The following PAG1 variants were observed in gnomAD, a reference collection of about 807,000 sequenced individuals.
The protein encoded by PAG1 is phosphoprotein associated with glycosphingolipid-enriched microdomains 1.
A neutral mutation model predicts 31.7 loss-of-function variants in PAG1; 23 were observed. The ratio of observed to expected loss-of-function variants is 0.73; its 90% CI spans 0.52 to 1.03. PAG1 has a LOEUF of 1.03. Among genes scored for constraint, PAG1 ranks in the 50% least tolerant of loss-of-function variants. PAG1 has a pLI of 0.00. For missense variants in PAG1, 473 were observed against 540.7 expected (o/e 0.87, Z 1.24); for synonymous variants, 214 against 210.3 (o/e 1.02, Z -0.15).
intron 3 of PAG1, among the ~76,000 whole-genome samples, chr8:81,027,923 A>G (rs1029599102): frequency 2.6e-5 from 4 of 151,790 alleles, no homozygotes; most frequent in South Asian, 4.2e-4. Context: ...AAAAAAAAAA[A>G]AAAAGAATAT....
chr8:81,045,083 A>G lies in PAG1; in HGVS notation c.-174-14994T>C, dbSNP rs911264003. ...CAACATCTCCTAGCAAAGTCACCAC[A>G]CACAGAATGTCCAAAGTGGGATTTC... is the stretch of plus-strand genomic sequence containing the variant. On this transcript the variant is annotated intron_variant, in intron 2 of 8. Coordinates refer to ENST00000220597, the MANE Select transcript of PAG1 (RefSeq NM_018440.4). Among the ~76,000 whole-genome samples, 5 of 152,324 alleles carry G rather than the reference A, an allele frequency of 3.3e-5. No individual in the cohort carries two copies. In the East Asian group the frequency reaches 9.6e-4, roughly 29 times the overall value.
intron 2 of PAG1, among the ~76,000 whole-genome samples, chr8:81,043,909 T>G (rs1808597413): frequency 6.6e-6 from 1 of 152,250 alleles, no homozygotes; most frequent in Admixed American, 6.5e-5. Context: ...CCTTCTCCAC[T>G]GATGGTAGTT....
intron 2 of PAG1, among the ~76,000 whole-genome samples, chr8:81,050,374 C>G (rs1469009881): frequency 6.6e-6 from 1 of 151,980 alleles, no homozygotes; most frequent in African/African-American, 2.4e-5. Context: ...TAAACATTCA[C>G]AGGAAGAGTG....
chr8:81,057,508 T>A (rs1051879420), intron 2 of PAG1, among the ~76,000 whole-genome samples: 1 of 142,438 alleles, frequency 7.0e-6, no homozygotes, highest in Non-Finnish European at 1.5e-5. Flanking sequence ...TAGGTGGGAA[T>A]TGAACAATGA....
intron 1 of PAG1, among the ~76,000 whole-genome samples, chr8:81,071,748 C>T (rs4388412): frequency 0.38 from 57,417 of 152,040 alleles, 12,129 homozygotes; most frequent in East Asian, 0.67. Context: ...AAGTAAGTAG[C>T]ACAATACAGA....
rs957518060 is a variant in PAG1, at chr8:81,090,094, A to C, written c.-233-19924T>G. 2.0e-5 allele frequency among the ~76,000 whole-genome samples: 3 copies of C among 152,204 alleles called. No homozygotes were observed. The South Asian group carries it at 6.2e-4, about 32-fold the overall frequency. On this transcript the variant is annotated intron_variant, in intron 1 of 8. Coordinates refer to ENST00000220597, the MANE Select transcript of PAG1 (RefSeq NM_018440.4). ...AATGGTATTTTTATATAATTAAAACAATCTCAAACAATTACCTAATTTTCC... is the reference window on the plus strand; with the variant it reads ...AATGGTATTTTTATATAATTAAAACCATCTCAAACAATTACCTAATTTTCC...
chr8:81,085,455 G>A (rs894487500), intron 1 of PAG1, among the ~76,000 whole-genome samples: 1 of 152,172 alleles, frequency 6.6e-6, no homozygotes, highest in Non-Finnish European at 1.5e-5. Context: ...AAGGTGCATT[G>A]TGTTCTGTGA....
intron 2 of PAG1, among the ~76,000 whole-genome samples, chr8:81,057,991 T>C (rs890156267): frequency 6.6e-6 from 1 of 152,144 alleles, no homozygotes; most frequent in Non-Finnish European, 1.5e-5. Flanking sequence ...TATTTACTGA[T>C]AACAGTAAAT....
At chr8:81,037,118 T>C (rs1808474371) in intron 2 of PAG1, 1 of 152,182 alleles carries the variant, frequency 6.6e-6, no homozygotes, top group Non-Finnish European at 1.5e-5. Context: ...GAAAAATAGT[T>C]CTTTCTGCAA....
chr8:81,105,371 A>G (rs555013983), intron 1 of PAG1, among the ~76,000 whole-genome samples: 1 of 152,332 alleles, frequency 6.6e-6, no homozygotes, highest in Admixed American at 6.5e-5. Context: ...TGTGATATTT[A>G]GTGACCCTTC....
At chr8:81,019,330 C>A (rs1586168726) in intron 3 of PAG1, among the ~76,000 whole-genome samples, 2 of 152,324 alleles carry the variant, frequency 1.3e-5, no homozygotes, top group Non-Finnish European at 2.9e-5. Context: ...TGTTAATCAC[C>A]AAGACAATGG....
intron 2 of PAG1, among the ~76,000 whole-genome samples, chr8:81,036,568 A>G (rs1232387349): frequency 6.6e-6 from 1 of 152,204 alleles, no homozygotes; most frequent in Non-Finnish European, 1.5e-5. Flanking sequence ...AATATGCTCA[A>G]TGACACAGCA....
intron 7 of PAG1, among the ~76,000 whole-genome samples, chr8:80,980,752 ATTAT>A (rs1377601124): frequency 6.6e-6 from 1 of 152,230 alleles, no homozygotes; most frequent in African/African-American, 2.4e-5. Context: ...AGCCAAAATA[ATTAT>A]TTAGACTACT....
At chr8:80,984,614 T>C (rs1029371081) in intron 7 of PAG1, among the ~76,000 whole-genome samples, 162 bp downstream of exon 7, 4 of 152,206 alleles carry the variant, frequency 2.6e-5, no homozygotes, top group African/African-American at 4.8e-5. Flanking sequence ...ATTTTATTAC[T>C]TGGAGGGGGA....
rs57438015 is a variant in PAG1 at position 80,981,862 on chromosome 8, C to CTTTTT, written c.877-1373_877-1369dup. ...TTCTACCTACTCATTATCTCACTTC[C>CTTTTT]TTTTTTTTTTTTTTTTTTTTTTTGA... On this transcript the variant is annotated intron_variant, in intron 7 of 8. Transcript: ENST00000220597. Among the ~76,000 whole-genome samples the CTTTTT allele has an allele frequency of 4.0e-3, 411 of 103,402 alleles. 5 individuals are homozygous for CTTTTT. Among genetic ancestry groups the CTTTTT allele is most frequent in the African/African-American group, 0.017 (349 of 20,000 alleles). The allele number at this position is 103,402 out of a possible 152,430, so 67.8% of individuals were successfully genotyped here.
At chr8:81,051,090 T>C (rs191139921) in intron 2 of PAG1, among the ~76,000 whole-genome samples, 26 of 152,276 alleles carry the variant, frequency 1.7e-4, no homozygotes, top group African/African-American at 5.3e-4. Flanking sequence ...ATGCAGTGGG[T>C]TTTTCTCCAT....
At chr8:81,084,538 A>G (rs1809320855) in intron 1 of PAG1, among the ~76,000 whole-genome samples, 1 of 152,176 alleles carries the variant, frequency 6.6e-6, no homozygotes, top group African/African-American at 2.4e-5. Context: ...TTTCAAGAAA[A>G]TGAAAGGAAG....
At chr8:81,087,760 G>C (rs774418099) in intron 1 of PAG1, among the ~76,000 whole-genome samples, 1 of 152,190 alleles carries the variant, frequency 6.6e-6, no homozygotes, top group African/African-American at 2.4e-5. Context: ...GTGGCTGCAG[G>C]AGAACAAACC....
At chr8:81,107,652 G>C (rs926329047) in intron 1 of PAG1, among the ~76,000 whole-genome samples, 1 of 152,220 alleles carries the variant, frequency 6.6e-6, no homozygotes, top group African/African-American at 2.4e-5. Context: ...CACACAGTAA[G>C]TGCTCCCTTT....
Sources: gnomAD v4.1 joint callset for allele counts (sites outside exome capture counted in the v4.1 genomes callset) on GRCh38, gnomAD v4.1.1 for gene constraint, MANE v1.5 for transcripts, NCBI Gene and HGNC (gene_info 2026-07-23, HGNC 2026-07-21) for gene names.